FUT8: variants seen among roughly 807,000 people sequenced by gnomAD.
FUT8 encodes the protein fucosyltransferase 8, also known as alpha-(1,6)-fucosyltransferase.
In FUT8, 29 loss-of-function variants were observed where a neutral mutation model predicts 71.3. That is an observed-to-expected ratio of 0.41 (90% CI 0.30 to 0.55). The LOEUF is 0.55. Among genes scored for constraint, FUT8 ranks in the 20% least tolerant of loss-of-function variants. The pLI is 0.34. For synonymous variants in FUT8, 254 were observed against 239.3 expected (o/e 1.06, Z -0.57); for missense variants, 544 against 702.1 (o/e 0.77, Z 2.55).
intron 3 of FUT8, among the ~76,000 whole-genome samples, chr14:65,596,283 T>A (rs1175779955): frequency 6.6e-6 from 1 of 152,214 alleles, no homozygotes; most frequent in African/African-American, 2.4e-5. Flanking sequence ...TAAATATAGA[T>A]TTGCTATAAT....
At position 65,607,676 on chromosome 14, in the gene FUT8, AATCTC is replaced by A. The variant is rs58907393; in HGVS notation, c.204-8300_204-8296del. 2.9e-4 allele frequency among the ~76,000 whole-genome samples: 44 copies of A among 151,980 alleles called. 1 individual carries two copies. The highest frequency in any genetic ancestry group is 1.0e-3 in the African/African-American group (43 of 41,518). On this transcript the variant is annotated intron_variant, in intron 3 of 10. Transcript: ENST00000673929. This position sits in a 1 kb window ranked among gnomAD's most constrained non-coding sequence, Gnocchi z 4.1. ...TCTACTTCTATATCAATCTTATACT[AATCTC>A]AGGAATGGAATTTTAGAATTTCCTC...
intron 3 of FUT8, among the ~76,000 whole-genome samples, chr14:65,587,416 C>A (rs1202424017): frequency 6.6e-6 from 1 of 152,106 alleles, no homozygotes; most frequent in Non-Finnish European, 1.5e-5. Flanking sequence ...GGTAACTGAT[C>A]TGTTACTGCG....
At chr14:65,385,185 C>T in the FUT8 span, among the ~76,000 whole-genome samples, 14 of 152,156 alleles carry the variant, frequency 9.2e-5, no homozygotes, top group South Asian at 2.9e-3. Flanking sequence ...AGGCATGAGC[C>T]ACCGCGCCCG....
the FUT8 span, among the ~76,000 whole-genome samples, chr14:65,360,980 T>G: frequency 6.6e-6 from 1 of 152,120 alleles, no homozygotes; most frequent in Non-Finnish European, 1.5e-5. Context: ...TGGTAAGTCA[T>G]CAGGTATGAT....
chr14:65,557,779 C>A (rs1836823091), intron 2 of FUT8, among the ~76,000 whole-genome samples: 1 of 151,912 alleles, frequency 6.6e-6, no homozygotes, highest in South Asian at 2.1e-4. Flanking sequence ...TTTATAAATT[C>A]TTGAAAGCCC....
intron 1 of FUT8, among the ~76,000 whole-genome samples, chr14:65,433,964 A>G (rs1185265206): frequency 1.3e-5 from 2 of 152,186 alleles, no homozygotes; most frequent in East Asian, 1.9e-4. Flanking sequence ...AGGCTCAGCT[A>G]TTTCTACCTC....
intron 7 of FUT8, among the ~76,000 whole-genome samples, chr14:65,681,308 C>T (rs1251787894): frequency 1.3e-5 from 2 of 152,138 alleles, no homozygotes; most frequent in East Asian, 1.9e-4. Context: ...AAAATACCAC[C>T]TTACCTATGT....
chr14:65,636,564 A>G (rs1313797959), intron 6 of FUT8: 1 of 152,142 alleles, frequency 6.6e-6, no homozygotes, highest in Non-Finnish European at 1.5e-5. Context: ...ATTCAGTTCA[A>G]AGAATTTTTA....
the FUT8 span, among the ~76,000 whole-genome samples, chr14:65,386,964 C>A: frequency 6.6e-6 from 1 of 151,550 alleles, no homozygotes; most frequent in African/African-American, 2.4e-5. Context: ...ACCTCAGCCT[C>A]CCCAGTAGCT....
chr14:65,527,912 T>C (rs1883610318), intron 2 of FUT8, among the ~76,000 whole-genome samples: 1 of 152,176 alleles, frequency 6.6e-6, no homozygotes, highest in Non-Finnish European at 1.5e-5. Flanking sequence ...CTCTGGAAGC[T>C]TCATCTCAGA....
chr14:65,703,472 C>T (rs1894413610), intron 7 of FUT8, among the ~76,000 whole-genome samples: 3 of 152,186 alleles, frequency 2.0e-5, no homozygotes, highest in Admixed American at 2.0e-4. Flanking sequence ...GCTATGCCAC[C>T]AGAAGCTATA....
Position 65,627,124 on chromosome 14 carries a change from C to CA in FUT8, c.483-2361dup, listed in dbSNP as rs1889935494. ...CATGCTGATTTTAAATAACAAAAAA[C>CA]AAAAAAATAAAAGAAGCAACCAAAA... On this transcript the variant is annotated intron_variant, in intron 5 of 10. Transcript: ENST00000673929. The surrounding 1 kb of genome is among the most constrained non-coding windows in gnomAD (Gnocchi z 4.0). Among the ~76,000 whole-genome samples, 1 of 149,844 alleles carries CA rather than the reference C, an allele frequency of 6.7e-6. No homozygotes were observed. Among genetic ancestry groups the CA allele is most frequent in the African/African-American group, 2.5e-5 (1 of 40,688 alleles).
intron 7 of FUT8, among the ~76,000 whole-genome samples, chr14:65,693,500 C>T (rs1225537999): frequency 2.0e-5 from 3 of 151,942 alleles, no homozygotes; most frequent in African/African-American, 7.3e-5. Context: ...CACAGGGAGA[C>T]CGTGGAAAGA....
chr14:65,617,202 T>C, intron 5 of FUT8: 1 of 1,524,792 alleles, frequency 6.6e-7, no homozygotes, highest in Non-Finnish European at 8.7e-7. Flanking sequence ...GTAAGAGATT[T>C]CATATTTATT....
chr14:65,447,226 A>G (rs947911239), intron 1 of FUT8, among the ~76,000 whole-genome samples: 4 of 150,254 alleles, frequency 2.7e-5, no homozygotes, highest in Non-Finnish European at 5.9e-5. Flanking sequence ...TGGGAGGCAG[A>G]GGCTGTAGTG....
At chr14:65,503,118 AG>A (rs1160296576) in intron 2 of FUT8, among the ~76,000 whole-genome samples, 1 of 152,216 alleles carries the variant, frequency 6.6e-6, no homozygotes, top group African/African-American at 2.4e-5. Context: ...GTTTCTTTCC[AG>A]GTAGGATCAG....
chr14:65,652,362 C>T lies in FUT8; in HGVS notation c.598-16881C>T, dbSNP rs898978554. Among the ~76,000 whole-genome samples the T allele has an allele frequency of 4.6e-5, 7 of 152,142 alleles. No homozygotes were observed. The highest frequency in any genetic ancestry group is 7.4e-5 in the Non-Finnish European group (5 of 68,024). ...ATAAGAGGAAGTTGGCTGGTGGGAA[C>T]GTCAGAGAAATGTTTTTCTTTCTGA... On this transcript the variant is annotated intron_variant, in intron 6 of 10. Transcript: ENST00000673929. The surrounding 1 kb of genome is among the most constrained non-coding windows in gnomAD (Gnocchi z 4.0).
intron 2 of FUT8, among the ~76,000 whole-genome samples, chr14:65,502,876 G>A (rs1594707730): frequency 6.6e-6 from 1 of 152,298 alleles, no homozygotes; most frequent in East Asian, 1.9e-4. Flanking sequence ...ATGTCCCTGG[G>A]TAAGGCCTGA....
the FUT8 span, among the ~76,000 whole-genome samples, chr14:65,373,950 G>A: frequency 1.3e-5 from 2 of 152,192 alleles, no homozygotes; most frequent in Non-Finnish European, 2.9e-5. Context: ...GTTAAGAGGA[G>A]AAGAACCGGA....
Sources: allele counts gnomAD v4.1 joint callset (sites outside exome capture counted in the v4.1 genomes callset), GRCh38; gene constraint gnomAD v4.1.1; non-coding constraint Gnocchi (gnomAD v3.1); transcripts MANE v1.5; gene names NCBI Gene and HGNC (gene_info 2026-07-23, HGNC 2026-07-21).